The following AGBL3 variants were observed in gnomAD, a reference collection of about 807,000 sequenced individuals.
AGBL3 encodes cytosolic carboxypeptidase 3.
In AGBL3, 68 loss-of-function variants were observed where a neutral mutation model predicts 94.5. The ratio of observed to expected loss-of-function variants is 0.72; its 90% CI spans 0.59 to 0.88. The LOEUF is 0.88. Ranked by LOEUF, AGBL3 falls within the 40% of genes least tolerant of loss-of-function variation. The pLI is 0.00. For synonymous variants in AGBL3, 354 were observed against 370.7 expected, an observed-to-expected ratio of 0.95 and a Z score of 0.52; for missense variants, 934 against 1,103.8, an observed-to-expected ratio of 0.85 and a Z score of 2.18.
At chr7:135,102,368 A>G (rs1018835478) in intron 15 of AGBL3, among the ~76,000 whole-genome samples, 2 of 152,196 alleles carry the variant, frequency 1.3e-5, no homozygotes, top group East Asian at 3.8e-4. Context: ...TTTATAAAAA[A>G]CAGTCATTCT....
At chr7:135,033,586 T>G (rs1176276269) in intron 6 of AGBL3, among the ~76,000 whole-genome samples, 1 of 152,150 alleles carries the variant, frequency 6.6e-6, no homozygotes, top group Non-Finnish European at 1.5e-5. Context: ...AACATTCCAG[T>G]GAAATTATTA....
intron 12 of AGBL3, among the ~76,000 whole-genome samples, chr7:135,073,707 T>C (rs1352974117): frequency 2.0e-5 from 3 of 151,836 alleles, no homozygotes; most frequent in African/African-American, 7.3e-5. Context: ...GATAGGGTCA[T>C]GACCGATTGA....
chr7:135,010,425 G>A (rs1366825631), intron 4 of AGBL3: 1 of 170,796 alleles, frequency 5.9e-6, no homozygotes, highest in Non-Finnish European at 1.3e-5. Context: ...GTTCTATATC[G>A]AAGAAAACTA....
chr7:135,080,560 G>C (rs896902567), intron 14 of AGBL3, among the ~76,000 whole-genome samples: 1 of 152,104 alleles, frequency 6.6e-6, no homozygotes, highest in African/African-American at 2.4e-5. Flanking sequence ...CTATCCCTAA[G>C]GTTTTGAAAG....
chr7:135,022,827 AATT>A (rs1814656398), intron 5 of AGBL3, among the ~76,000 whole-genome samples: 1 of 152,026 alleles, frequency 6.6e-6, no homozygotes, highest in Admixed American at 6.6e-5. Context: ...TCTGTCTTTT[AATT>A]ATTATGTTTA....
At chr7:135,043,107 A>G (rs1343282609) in intron 8 of AGBL3, among the ~76,000 whole-genome samples, 1 of 152,212 alleles carries the variant, frequency 6.6e-6, no homozygotes, top group Non-Finnish European at 1.5e-5. Context: ...CATTCCTAAC[A>G]TGAAGATTGA....
intron 16 of AGBL3, among the ~76,000 whole-genome samples, chr7:135,132,771 C>T (rs1182151044): frequency 1.3e-5 from 2 of 152,138 alleles, no homozygotes; most frequent in African/African-American, 4.8e-5. Flanking sequence ...CCTCCTTTGC[C>T]TTCCGCCAAG....
chr7:135,071,401 G>GA (rs1199458704), intron 12 of AGBL3, among the ~76,000 whole-genome samples: 1 of 152,084 alleles, frequency 6.6e-6, no homozygotes, highest in East Asian at 1.9e-4. Flanking sequence ...CACAGAATTG[G>GA]AAAAAACTAC....
chr7:135,124,334 A>G (rs1377041072), intron 16 of AGBL3, among the ~76,000 whole-genome samples: 1 of 152,250 alleles, frequency 6.6e-6, no homozygotes, highest in Non-Finnish European at 1.5e-5. Flanking sequence ...GAACAATTCA[A>G]CAAGAAGAGC....
intron 9 of AGBL3, among the ~76,000 whole-genome samples, chr7:135,044,709 T>A (rs993539878): frequency 3.3e-5 from 5 of 152,132 alleles, no homozygotes; most frequent in South Asian, 2.1e-4. Context: ...TTGTTTTTTT[T>A]ATTGTATTTT....
intron 15 of AGBL3, chr7:135,092,448 T>C (rs1020790365): frequency 2.6e-5 from 4 of 152,222 alleles, no homozygotes; most frequent in African/African-American, 9.6e-5. Context: ...CAACCTTTGT[T>C]ACATAATCTT....
intron 12 of AGBL3, among the ~76,000 whole-genome samples, chr7:135,063,171 T>G (rs1176999999): frequency 6.6e-6 from 1 of 152,136 alleles, no homozygotes; most frequent in Non-Finnish European, 1.5e-5. Flanking sequence ...ATGGTAGTCT[T>G]TTATGATCCT....
chr7:135,096,484 G>C (rs1822738023), intron 15 of AGBL3, among the ~76,000 whole-genome samples: 1 of 147,778 alleles, frequency 6.8e-6, no homozygotes, highest in African/African-American at 2.5e-5. Context: ...ATACAACTAG[G>C]AAGATACCCA....
At chr7:135,095,209 C>CT (rs1207799256) in intron 15 of AGBL3, among the ~76,000 whole-genome samples, 1 of 152,140 alleles carries the variant, frequency 6.6e-6, no homozygotes, top group African/African-American at 2.4e-5. Flanking sequence ...CTAAGAAACA[C>CT]TTATTAAGGT....
intron 16 of AGBL3, among the ~76,000 whole-genome samples, chr7:135,116,177 T>G (rs1826285222): frequency 6.6e-6 from 1 of 152,224 alleles, no homozygotes; most frequent in Non-Finnish European, 1.5e-5. Flanking sequence ...TTCTAAGTTA[T>G]ATATGTATAC....
At chr7:135,009,428 C>A (rs1360262972) in intron 4 of AGBL3, among the ~76,000 whole-genome samples, 1 of 152,170 alleles carries the variant, frequency 6.6e-6, no homozygotes, top group Admixed American at 6.5e-5. Flanking sequence ...GAACAGGCAA[C>A]TATATAGACA....
intron 4 of AGBL3, among the ~76,000 whole-genome samples, chr7:134,999,928 C>T (rs1283967473): frequency 6.6e-6 from 1 of 152,186 alleles, no homozygotes; most frequent in African/African-American, 2.4e-5. Context: ...ATCAGTCAAC[C>T]TAGTAGCTCT....
intron 15 of AGBL3, among the ~76,000 whole-genome samples, chr7:135,113,179 A>G (rs903418121): frequency 6.6e-6 from 1 of 152,220 alleles, no homozygotes; most frequent in South Asian, 2.1e-4. Flanking sequence ...GTAATCATAC[A>G]TTATCTTTCA....
At chr7:135,118,055 A>G (rs988090258) in intron 16 of AGBL3, among the ~76,000 whole-genome samples, 3 of 152,154 alleles carry the variant, frequency 2.0e-5, no homozygotes, top group African/African-American at 7.2e-5. Context: ...GATGTTTTCC[A>G]TTTTCTAGTT....
Sources: gnomAD v4.1 joint callset for allele counts (sites outside exome capture counted in the v4.1 genomes callset) on GRCh38, gnomAD v4.1.1 for gene constraint, MANE v1.5 for transcripts, NCBI Gene and HGNC (gene_info 2026-07-23, HGNC 2026-07-21) for gene names.